BARX1: variants seen among roughly 807,000 people sequenced by gnomAD.
BARX1 encodes BARX homeobox 1, also known as homeobox protein BarH-like 1.
BARX1 carries 10 observed loss-of-function variants against 19.6 expected under a neutral mutation model. The observed-to-expected ratio is 0.51, with a 90% CI of 0.31 to 0.86. The LOEUF is 0.86. Ranked by LOEUF, BARX1 falls within the 40% of genes least tolerant of loss-of-function variation. The pLI, the probability that BARX1 is intolerant of heterozygous loss-of-function variation, is 0.04. For synonymous variants in BARX1, 177 were observed against 170.0 expected (o/e 1.04, Z -0.32); for missense variants, 309 against 360.4 (o/e 0.86, Z 1.15).
chr9:93,955,163 G>A lies in BARX1; in HGVS notation c.-17C>T. On this transcript the variant is annotated 5_prime_UTR_variant, in exon 1 of 4. Coordinates refer to ENST00000253968, the MANE Select transcript of BARX1 (RefSeq NM_021570.4). The surrounding 1 kb of genome is among the most constrained non-coding windows in gnomAD (Gnocchi z 4.4). ...CCGCTGCATCGCGGCGCCCACTGCT[G>A]CGCCCGCGGTTTGGCGGCGGCGGCG... 9.4e-7 allele frequency: 1 copy of A among 1,065,634 alleles called. No homozygotes were observed. Among genetic ancestry groups the A allele is most frequent in the South Asian group, 4.4e-5 (1 of 22,840 alleles). 66.0% of individuals were successfully genotyped at this position (1,065,634 alleles called of 1,614,324 possible).
At position 93,951,817 on chromosome 9, in the gene BARX1, C is replaced by G. The variant is rs1440589764; in HGVS notation, c.*347G>C. 5 of 242,458 alleles carry G rather than the reference C, an allele frequency of 2.1e-5. No homozygotes were observed. The Admixed American group carries it at 2.5e-4, about 12-fold the overall frequency. 15.0% of individuals were successfully genotyped at this position (242,458 alleles called of 1,614,324 possible). The stretch of plus-strand genomic sequence containing the variant: ...AGAAGCGGGTGTGTGCCTGGAGGCT[C>G]CCCGGCCGGGAGGGCAGGCCCCAGA... On this transcript the variant is annotated 3_prime_UTR_variant, in exon 4 of 4. Transcript: ENST00000253968.
chr9:93,954,355 A>G (rs1180293242), intron 1 of BARX1, among the ~76,000 whole-genome samples: 2 of 152,252 alleles, frequency 1.3e-5, no homozygotes, highest in Non-Finnish European at 2.9e-5. Context: ...AGCTGCTCAC[A>G]GTCAGGCCTC....
At chr9:93,954,858 C>T (rs1193646034) in intron 1 of BARX1, 66 bp downstream of exon 1, 3 of 1,144,560 alleles carry the variant, frequency 2.6e-6, no homozygotes, top group Non-Finnish European at 3.3e-6. Flanking sequence ...GCTCGGGGCG[C>T]CCCCGCGGTT....
intron 3 of BARX1, 126 bp from the exon 4 acceptor site, chr9:93,952,454 G>A (rs1468338155): frequency 2.6e-5 from 36 of 1,359,520 alleles, no homozygotes; most frequent in Non-Finnish European, 3.5e-5. Context: ...GAAATGTCCC[G>A]GGAAATGGCG....
In BARX1 at chr9:93,955,059, T is replaced by A; in HGVS notation, c.88A>T (p.Met30Leu). Residue 30 changes from methionine (M) to leucine (L), a missense_variant, in exon 1 of 4, where the codon ATG becomes TTG. By Grantham distance (15) the Met-to-Leu change is conservative (BLOSUM62 2). Coordinates refer to ENST00000253968, the MANE Select transcript of BARX1 (RefSeq NM_021570.4). This position sits in a 1 kb window ranked among gnomAD's most constrained non-coding sequence, Gnocchi z 4.4. ...GGCTCCGTGAGGATCTCCTCAATCA[T>A]GAAGCTGCGATAGCGGTGCGGCCGG... ...DHRPHRYRSF[M>L]IEEILTEPPG... The A allele has an allele frequency of 2.9e-6, 4 of 1,390,664 alleles. No homozygotes were observed. The highest frequency in any genetic ancestry group is 3.7e-6 in the Non-Finnish European group (4 of 1,067,984). 86.1% of individuals were successfully genotyped at this position (1,390,664 alleles called of 1,614,324 possible).
intron 3 of BARX1, 129 bp downstream of exon 3, chr9:93,952,600 G>T: frequency 8.7e-7 from 1 of 1,142,928 alleles, no homozygotes; most frequent in Non-Finnish European, 1.3e-6. Flanking sequence ...GGATTCCGGT[G>T]CGTACCAGGC....
intron 3 of BARX1, 80 bp from the exon 4 acceptor site, chr9:93,952,408 C>G: frequency 6.6e-7 from 1 of 1,517,730 alleles, no homozygotes; most frequent in Non-Finnish European, 8.9e-7. Flanking sequence ...CCAGGTAGGA[C>G]TAAGGAGTGC....
chr9:93,954,853 G>A, intron 1 of BARX1, 71 bp downstream of exon 1: 2 of 1,122,528 alleles, frequency 1.8e-6, no homozygotes, highest in Non-Finnish European at 1.1e-6. Context: ...AGGAGGCTCG[G>A]GGCGCCCCCG....
In BARX1 at chr9:93,952,314, G is replaced by A; in HGVS notation, c.615C>T (p.Gly205=). The A allele has an allele frequency of 6.2e-7, 1 of 1,608,960 alleles. No homozygotes were observed. The stretch of plus-strand genomic sequence containing the variant: ...TGGGCTTGGTGGGAGACTCCAGGCC[G>A]CCGCCCTGCAGCACCTGCACGGGGG... ...MKWKKIVLQG[G]GLESPTKPKG... The change falls in exon 4 of 4, where the codon GGC becomes GGT. Residue 205 remains glycine, a synonymous_variant. Coordinates refer to ENST00000253968, the MANE Select transcript of BARX1 (RefSeq NM_021570.4).
In BARX1 at chr9:93,955,142, T is replaced by G; in HGVS notation, c.5A>C (p.Gln2Pro). 1 of 1,153,204 alleles carries G rather than the reference T, an allele frequency of 8.7e-7. No individual in the cohort carries two copies. Among genetic ancestry groups the G allele is most frequent in the South Asian group, 4.1e-5 (1 of 24,416 alleles). The allele number at this position is 1,153,204 out of a possible 1,614,324, so 71.4% of individuals were successfully genotyped here. ...CGCGGCGCCCGGCTCCCCCGGCCGC[T>G]GCATCGCGGCGCCCACTGCTGCGCC... Reference protein sequence around the residue: MQRPGEPGAARF... With the variant: MPRPGEPGAARF... The change falls in exon 1 of 4, where the codon CAG becomes CCG. Residue 2 changes from glutamine to proline, a missense_variant. By Grantham distance (76) the Gln-to-Pro change is moderately conservative. Transcript: ENST00000253968. This position sits in a 1 kb window ranked among gnomAD's most constrained non-coding sequence, Gnocchi z 4.4.
At chr9:93,953,526 C>A in intron 1 of BARX1, 157 of 306,142 alleles carry the variant, frequency 5.1e-4, no homozygotes, top group Middle Eastern at 9.0e-4. Flanking sequence ...AAGTAGAAAC[C>A]AAAAAGAAAA....
intron 3 of BARX1, 30 bp from the exon 4 acceptor site, chr9:93,952,358 A>G (rs1829112638): frequency 6.3e-7 from 1 of 1,596,590 alleles, no homozygotes; most frequent in African/African-American, 1.3e-5. Flanking sequence ...CACCTGGGTG[A>G]GCCAGCACGT....
rs1382094957 is a variant in BARX1, at chr9:93,951,960, A to C, written c.*204T>G. ...GCTGGATGCGAGTCTCCCAGGTTAG[A>C]GCCCAGAAGCGCGCTGGGACCTGGG... On this transcript the variant is annotated 3_prime_UTR_variant, in exon 4 of 4. Coordinates refer to ENST00000253968, the MANE Select transcript of BARX1 (RefSeq NM_021570.4). The C allele has an allele frequency of 1.5e-6, 1 of 675,468 alleles. No homozygotes were observed. Among genetic ancestry groups the C allele is most frequent in the Non-Finnish European group, 2.4e-6 (1 of 409,284 alleles). The allele number at this position is 675,468 out of a possible 1,614,324, so 41.8% of individuals were successfully genotyped here.
chr9:93,953,455 G>A (rs1439810334), intron 1 of BARX1: 2 of 455,920 alleles, frequency 4.4e-6, no homozygotes. Flanking sequence ...GAGATCTCGG[G>A]GTTCCTGATG....
Position 93,955,047 on chromosome 9 carries a change from T to A in BARX1, c.100A>T (p.Ile34Phe). Residue 34 changes from isoleucine (I) to phenylalanine (F), a missense_variant, in exon 1 of 4, where the codon ATC (isoleucine) becomes TTC (phenylalanine). By Grantham distance (21) the Ile-to-Phe change is conservative. Around this residue, in one of 3 missense-constraint regions of BARX1, gnomAD observed 204 missense variants for 206.8 expected, o/e 0.99. Coordinates refer to ENST00000253968, the MANE Select transcript of BARX1 (RefSeq NM_021570.4). The surrounding 1 kb of genome is among the most constrained non-coding windows in gnomAD (Gnocchi z 4.4). ...TTGGGCCCGGGTGGCTCCGTGAGGA[T>A]CTCCTCAATCATGAAGCTGCGATAG... is the stretch of plus-strand genomic sequence containing the variant. Reference protein sequence around the residue: ...HRYRSFMIEEILTEPPGPKGA... With the variant: ...HRYRSFMIEEFLTEPPGPKGA... The A allele has an allele frequency of 7.1e-7, 1 of 1,403,206 alleles. No individual in the cohort carries two copies. The highest frequency in any genetic ancestry group is 9.3e-7 in the Non-Finnish European group (1 of 1,075,894). The allele number at this position is 1,403,206 out of a possible 1,614,324, so 86.9% of individuals were successfully genotyped here.
intron 2 of BARX1, 29 bp from the exon 3 acceptor site, chr9:93,952,842 A>G (rs748567480): frequency 1.2e-6 from 2 of 1,613,880 alleles, no homozygotes; most frequent in Non-Finnish European, 1.7e-6. Flanking sequence ...ACCCTCAGCA[A>G]GGCAAGTGAC....
At chr9:93,952,859 C>T in intron 2 of BARX1, 37 bp downstream of exon 2, 3 of 1,613,270 alleles carry the variant, frequency 1.9e-6, no homozygotes, top group South Asian at 1.1e-5. Flanking sequence ...TGACCACACT[C>T]CCACAGCCCG....
At chr9:93,952,448 T>A in intron 3 of BARX1, 120 bp from the exon 4 acceptor site, 1 of 1,384,034 alleles carries the variant, frequency 7.2e-7, no homozygotes, top group Admixed American at 2.4e-5. Flanking sequence ...GGTGGGGAAA[T>A]GTCCCGGGAA....
chr9:93,952,315 C>A lies in BARX1; in HGVS notation c.614G>T (p.Gly205Val). Residue 205 changes from glycine to valine, a missense_variant, in exon 4 of 4, where the codon GGC (glycine) becomes GTC (valine). By Grantham distance (109) the Gly-to-Val change is moderately radical (BLOSUM62 -3). Transcript: ENST00000253968. ...GGGCTTGGTGGGAGACTCCAGGCCG[C>A]CGCCCTGCAGCACCTGCACGGGGGA... The part of the protein sequence containing the change: ...MKWKKIVLQG[G>V]GLESPTKPKG... 1 of 1,608,874 alleles carries A rather than the reference C, an allele frequency of 6.2e-7. No individual in the cohort carries two copies.
Sources: gnomAD v4.1 joint callset for allele counts (sites outside exome capture counted in the v4.1 genomes callset) on GRCh38, gnomAD v4.1.1 for gene constraint, gnomAD v4.1.1 regional missense constraint, Gnocchi (gnomAD v3.1) non-coding constraint, MANE v1.5 for transcripts, NCBI Gene and HGNC (gene_info 2026-07-23, HGNC 2026-07-21) for gene names.